NBPF20: variants seen among roughly 807,000 people sequenced by gnomAD.
NBPF20 encodes NBPF member 20, also known as NBPF family member NBPF20.
Under a neutral mutation model 68.1 loss-of-function variants are expected in NBPF20, and 90 were observed. The ratio of observed to expected loss-of-function variants is 1.32; its 90% CI spans 1.11 to 1.58. The LOEUF (loss-of-function observed/expected upper bound fraction) is 1.58, where lower values mean the gene tolerates loss of function less well. Among genes scored for constraint, NBPF20 ranks in the 40% most tolerant of loss-of-function variants. NBPF20 has a pLI of 0.00. For missense variants in NBPF20, 816 were observed against 601.2 expected (o/e 1.36, Z -3.74); for synonymous variants, 290 against 228.1 (o/e 1.27, Z -2.45).
At chr1:145,424,253 G>C in the NBPF20 span, among the ~76,000 whole-genome samples, 2 of 150,210 alleles carry the variant, frequency 1.3e-5, no homozygotes, top group Non-Finnish European at 1.5e-5. Flanking sequence ...TGGGATTACA[G>C]GTGTGATCTA....
At chr1:145,416,130 T>G in the NBPF20 span, among the ~76,000 whole-genome samples, 1 of 149,390 alleles carries the variant, frequency 6.7e-6, no homozygotes, top group African/African-American at 2.5e-5. Flanking sequence ...TAACTCCATC[T>G]CCAAAAAAAA....
At chr1:145,394,094 G>A (rs1330454190) in intron 8 of NBPF20, among the ~76,000 whole-genome samples, 159 bp from the exon 14 acceptor site, 4 of 152,126 alleles carry the variant, frequency 2.6e-5, no homozygotes, top group Non-Finnish European at 5.9e-5. Flanking sequence ...GTCAAGTCTT[G>A]AGAAAACTGG....
At chr1:145,418,970 A>G in the NBPF20 span, among the ~76,000 whole-genome samples, 1 of 135,304 alleles carries the variant, frequency 7.4e-6, no homozygotes, top group Non-Finnish European at 1.6e-5. Context: ...GTCTATTTAA[A>G]AAAGTAGAAC....
the NBPF20 span, among the ~76,000 whole-genome samples, chr1:145,416,143 A>G: frequency 2.0e-5 from 3 of 151,552 alleles, no homozygotes; most frequent in Admixed American, 6.6e-5. Flanking sequence ...AAAAAAAAAA[A>G]GATAAAATAA....
intron 79 of NBPF20, among the ~76,000 whole-genome samples, 196 bp from the exon 85 acceptor site, chr1:145,338,005 A>G (rs1186514411): frequency 6.2e-4 from 55 of 88,830 alleles, no homozygotes; most frequent in Middle Eastern, 6.0e-3. Flanking sequence ...AAAGACAGAT[A>G]GACACACACA....
At chr1:145,399,959 G>T (rs1348890168) in intron 6 of NBPF20, among the ~76,000 whole-genome samples, 1 of 152,034 alleles carries the variant, frequency 6.6e-6, no homozygotes, top group African/African-American at 2.4e-5. Context: ...TGACTTAAAG[G>T]AGATCCAGAT....
At chr1:145,416,160 T>C in the NBPF20 span, among the ~76,000 whole-genome samples, 1 of 149,294 alleles carries the variant, frequency 6.7e-6, no homozygotes, top group African/African-American at 2.5e-5. Context: ...ATAAAGACGG[T>C]TCACTACTTA....
intron 9 of NBPF20, among the ~76,000 whole-genome samples, 153 bp from the exon 15 acceptor site, chr1:145,393,399 A>G (rs1392238782): frequency 1.2e-4 from 18 of 151,990 alleles, no homozygotes; most frequent in African/African-American, 4.1e-4. Context: ...ATGTTGGGAT[A>G]GACTAGGGCC....
At chr1:145,397,783 G>A (rs1424867282) in intron 7 of NBPF20, among the ~76,000 whole-genome samples, 3 of 152,162 alleles carry the variant, frequency 2.0e-5, no homozygotes, top group African/African-American at 4.8e-5. Context: ...AAAAAACACA[G>A]AATGGCAAAT....
chr1:145,377,911 C>A lies in NBPF20; in HGVS notation c.3464+132G>T, dbSNP rs1443684462. 1.6e-4 allele frequency: 55 copies of A among 348,024 alleles called. 7 individuals are homozygous for A. The highest frequency in any genetic ancestry group is 2.2e-4 in the South Asian group (9 of 40,914). The allele number at this position is 348,024 out of a possible 1,614,324, so 21.6% of individuals were successfully genotyped here. A position where few individuals can be genotyped will look rare whatever the true frequency, so the allele number is the denominator to read the frequency against. ...ACCTAAACATCTACTGCAATGAAAA[C>A]CAACAGCAATGTCAGGAGGAGTAAT... On this transcript the variant is annotated intron_variant, in intron 29 of 137. Coordinates refer to ENST00000369373, the Ensembl canonical transcript of NBPF20.
chr1:145,410,959 A>G, the NBPF20 span, among the ~76,000 whole-genome samples: 1 of 143,272 alleles, frequency 7.0e-6, no homozygotes, highest in Non-Finnish European at 1.5e-5. Flanking sequence ...AATTAGACAT[A>G]CATGTGAGTA....
At position 145,292,068 on chromosome 1, in the gene NBPF20, C is replaced by A. The variant is rs1430878583; in HGVS notation, c.16698-299G>T. Among the ~76,000 whole-genome samples, 6 of 149,330 alleles carry A rather than the reference C, an allele frequency of 4.0e-5. 1 individual carries two copies. Among genetic ancestry groups the A allele is most frequent in the Non-Finnish European group, 5.9e-5 (4 of 68,010 alleles). ...AAAGGACACTCTGAGTTAGTGTCCTCATGACACACAGCAAACTGTGATCAT... is the reference window on the plus strand; with the variant it reads ...AAAGGACACTCTGAGTTAGTGTCCTAATGACACACAGCAAACTGTGATCAT... On this transcript the variant is annotated intron_variant, in intron 137 of 137. Transcript: ENST00000369373.
chr1:145,400,089 C>T (rs1662444775), intron 6 of NBPF20, among the ~76,000 whole-genome samples: 1 of 152,256 alleles, frequency 6.6e-6, no homozygotes, highest in South Asian at 2.1e-4. Flanking sequence ...AGGACTTAAT[C>T]ACAGATGACA....
In NBPF20 at chr1:145,291,786, A is replaced by C. The variant is rs781905039; in HGVS notation, c.16698-17T>G. ...CCGTTGAGCCTGGAAAAGGAGACAA[A>C]ACTAAAGAAGCAGCCAGGGAAAATC... On this transcript the variant is annotated splice_polypyrimidine_tract_variant and intron_variant, in intron 137 of 137. Transcript: ENST00000369373. 1 of 1,611,992 alleles carries C rather than the reference A, an allele frequency of 6.2e-7. No homozygotes were observed. Among genetic ancestry groups the C allele is most frequent in the Non-Finnish European group, 8.5e-7 (1 of 1,179,860 alleles).
chr1:145,291,697 A>C (rs587632360), exon 138 of NBPF20: 1 of 1,611,958 alleles, frequency 6.2e-7, no homozygotes, highest in Middle Eastern at 2.3e-4. Context: ...ACATTGACGG[A>C]GTAGAATAAC....
chr1:145,419,121 C>CAGGGAGGA, the NBPF20 span, among the ~76,000 whole-genome samples: 4 of 66,614 alleles, frequency 6.0e-5, no homozygotes, highest in African/African-American at 1.6e-4. Flanking sequence ...GGGAGGGAGG[C>CAGGGAGGA]AGGGAGGAAG....
intron 9 of NBPF20, 80 bp from the exon 15 acceptor site, chr1:145,393,326 G>A (rs1243802858): frequency 4.4e-4 from 296 of 676,984 alleles, no homozygotes; most frequent in African/African-American, 1.4e-3. Flanking sequence ...CATGGCTAAC[G>A]TAAGGAAGAG....
In NBPF20 at chr1:145,291,628, T is replaced by C. The variant is rs1292711562; in HGVS notation, c.16839A>G (p.Glu5613=). Residue 5613 remains glutamate, a synonymous_variant, in exon 138 of 138, where the codon GAA becomes GAG. Coordinates refer to ENST00000369373, the Ensembl canonical transcript of NBPF20. Reference sequence around the variant, plus strand: ...CGTAAAGGGCGAAGCTGATGTGCTGTTCCTCAAATGAGTAAAACACACTTC... The same window carrying C: ...CGTAAAGGGCGAAGCTGATGTGCTGCTCCTCAAATGAGTAAAACACACTTC... 5.0e-6 allele frequency: 8 copies of C among 1,611,838 alleles called. No homozygotes were observed. The African/African-American group carries it at 6.7e-5, about 13-fold the overall frequency.
At chr1:145,400,992 G>T in intron 5 of NBPF20, 67 bp downstream of exon 10, 1 of 1,529,818 alleles carries the variant, frequency 6.5e-7, no homozygotes, top group South Asian at 1.1e-5. Flanking sequence ...ATGCCAGAGA[G>T]GGTGTGCCTC....
Sources: allele counts gnomAD v4.1 joint callset (sites outside exome capture counted in the v4.1 genomes callset), GRCh38; gene constraint gnomAD v4.1.1; transcripts MANE v1.5; gene names NCBI Gene and HGNC (gene_info 2026-07-23, HGNC 2026-07-21).